The following ZFC3H1 variants were observed in gnomAD, a reference collection of about 807,000 sequenced individuals.
ZFC3H1 encodes zinc finger C3H1-type containing, also known as zinc finger C3H1 domain-containing protein.
ZFC3H1 carries 71 observed loss-of-function variants against 243.7 expected under a neutral mutation model. That is an observed-to-expected ratio of 0.29 (90% CI 0.24 to 0.36). The LOEUF (loss-of-function observed/expected upper bound fraction) is 0.36, where lower values mean the gene tolerates loss of function less well. Ranked by LOEUF, ZFC3H1 falls within the 10% of genes least tolerant of loss-of-function variation. The probability of loss-of-function intolerance (pLI) is 1.00; values close to 1 mark genes in which losing one functional copy is unlikely to be tolerated. For missense variants in ZFC3H1, 1,966 were observed against 2,317.1 expected (o/e 0.85, Z 3.11); for synonymous variants, 838 against 813.0 (o/e 1.03, Z -0.52).
At chr12:71,661,282 A>G (rs1201496902) in intron 1 of ZFC3H1, among the ~76,000 whole-genome samples, 2 of 151,844 alleles carry the variant, frequency 1.3e-5, no homozygotes, top group Non-Finnish European at 2.9e-5. Flanking sequence ...CCTGGGCGAC[A>G]GAGCGAGACT....
chr12:71,661,844 A>G (rs1295388682), intron 1 of ZFC3H1, among the ~76,000 whole-genome samples: 1 of 152,214 alleles, frequency 6.6e-6, no homozygotes, highest in Non-Finnish European at 1.5e-5. Flanking sequence ...TTGCAGAAGT[A>G]AGGTTTTTCA....
intron 3 of ZFC3H1, among the ~76,000 whole-genome samples, chr12:71,645,303 A>C (rs971924468): frequency 2.0e-5 from 3 of 152,224 alleles, no homozygotes; most frequent in Non-Finnish European, 4.4e-5. Flanking sequence ...GTATATATGT[A>C]ATGTAGGGTT....
intron 26 of ZFC3H1, 44 bp from the exon 27 acceptor site, chr12:71,619,453 G>T: frequency 6.4e-7 from 1 of 1,556,510 alleles, no homozygotes; most frequent in Non-Finnish European, 8.8e-7. Flanking sequence ...GGCTTACAAT[G>T]TTTAATTAAA....
At chr12:71,637,313 A>G (rs17815143) in intron 7 of ZFC3H1, among the ~76,000 whole-genome samples, 3,280 of 152,262 alleles carry the variant, frequency 0.022, 49 homozygotes, top group Non-Finnish European at 0.035. Context: ...AATTATAGAA[A>G]CTTCTCTGTT....
rs950074819 is a variant in ZFC3H1 at position 71,639,021 on chromosome 12, ATTAC to A, written c.1628-510_1628-507del. 4.2e-4 allele frequency among the ~76,000 whole-genome samples: 64 copies of A among 152,220 alleles called. 1 individual carries two copies. The highest frequency in any genetic ancestry group is 1.5e-3 in the African/African-American group (62 of 41,454). On this transcript the variant is annotated intron_variant, in intron 6 of 34. Coordinates refer to ENST00000378743, the MANE Select transcript of ZFC3H1 (RefSeq NM_144982.5). ...GTAAATAAAACTAGGAATGAGAAGA[ATTAC>A]TTAGTGTATTTAGTCAATAAGGTGC... is the stretch of plus-strand genomic sequence containing the variant.
At position 71,657,298 on chromosome 12, in the gene ZFC3H1, T is replaced by C; in HGVS notation, c.602A>G (p.Lys201Arg). ...TCTTGATGGAGACCTTCCAAAACTT[T>C]TGGCTGAACAGCATATTAAGGAAAC... ...REPSPPRKSS[K>R]SFGRSPSRKQ... The change falls in exon 2 of 35, where the codon AAA becomes AGA. Residue 201 changes from lysine to arginine, a missense_variant. By Grantham distance (26) the Lys-to-Arg change is conservative. This residue lies in a region of ZFC3H1 where 484 missense variants were observed against 449.7 expected (regional missense o/e 1.08). Transcript: ENST00000378743. The C allele has an allele frequency of 1.3e-6, 2 of 1,528,754 alleles. No individual in the cohort carries two copies. The highest frequency in any genetic ancestry group is 1.7e-6 in the Non-Finnish European group (2 of 1,144,336). The allele number at this position is 1,528,754 out of a possible 1,614,324, so 94.7% of individuals were successfully genotyped here. A position where few individuals can be genotyped will look rare whatever the true frequency, so the allele number is the denominator to read the frequency against.
chr12:71,637,130 T>C, intron 7 of ZFC3H1, 71 bp from the exon 8 acceptor site: 2 of 1,270,814 alleles, frequency 1.6e-6, no homozygotes, highest in Admixed American at 2.5e-5. Context: ...TGCAGCAATA[T>C]TAAACTAGAA....
chr12:71,640,900 T>C (rs1592596591), intron 6 of ZFC3H1, among the ~76,000 whole-genome samples: 1 of 152,130 alleles, frequency 6.6e-6, no homozygotes, highest in African/African-American at 2.4e-5. Context: ...AAACTCTATA[T>C]GGAAAACATT....
At chr12:71,635,607 G>A (rs778898695) in intron 9 of ZFC3H1, 27 bp from the exon 10 acceptor site, 7 of 1,506,388 alleles carry the variant, frequency 4.6e-6, no homozygotes, top group East Asian at 2.5e-5. Context: ...TTTATTACTC[G>A]TGATAACAAA....
intron 28 of ZFC3H1, 77 bp downstream of exon 28, chr12:71,615,129 A>G (rs577690030): frequency 7.8e-7 from 1 of 1,288,318 alleles, no homozygotes; most frequent in African/African-American, 1.5e-5. Flanking sequence ...GTTAATTATA[A>G]CAAACACAGT....
At chr12:71,611,004 A>G in intron 33 of ZFC3H1, 54 bp downstream of exon 33, 2 of 1,577,358 alleles carry the variant, frequency 1.3e-6, no homozygotes, top group East Asian at 4.5e-5. Flanking sequence ...AGTCAACAAA[A>G]GAGACAGAAA....
chr12:71,622,217 A>G (rs201875531), intron 24 of ZFC3H1, among the ~76,000 whole-genome samples: 2 of 152,290 alleles, frequency 1.3e-5, no homozygotes, highest in East Asian at 3.9e-4. Flanking sequence ...GGTATTTAAT[A>G]AGCACTTAAT....
intron 6 of ZFC3H1, among the ~76,000 whole-genome samples, chr12:71,641,667 C>T (rs1156376326): frequency 6.6e-6 from 1 of 152,168 alleles, no homozygotes; most frequent in African/African-American, 2.4e-5. Context: ...ACCAGCCTTT[C>T]CTGAGATGCC....
At chr12:71,648,823 C>T (rs1880796726) in intron 2 of ZFC3H1, among the ~76,000 whole-genome samples, 1 of 152,134 alleles carries the variant, frequency 6.6e-6, no homozygotes, top group African/African-American at 2.4e-5. Flanking sequence ...GGCACAGTGG[C>T]TTATGCCTGC....
At chr12:71,622,327 C>T (rs1424805480) in intron 24 of ZFC3H1, among the ~76,000 whole-genome samples, 2 of 152,222 alleles carry the variant, frequency 1.3e-5, no homozygotes, top group East Asian at 1.9e-4. Flanking sequence ...TACTGATAGC[C>T]ATGCTTCGAC....
rs1235694195 is a variant in ZFC3H1, at chr12:71,636,601, A to T, written c.1989T>A (p.His663Gln). The change falls in exon 9 of 35, where the codon CAT becomes CAA. Residue 663 changes from histidine to glutamine, a missense_variant. His to Gln is a conservative substitution (Grantham distance 24). Coordinates refer to ENST00000378743, the MANE Select transcript of ZFC3H1 (RefSeq NM_144982.5). ...TTGATAGATTGCTTCTTGGCACAGG[A>T]TGTGAATTGTTCAGAACTGGAGGTG... ...PPSPPVLNNS[H>Q]PVPRSNLSIV... 13 of 1,613,886 alleles carry T rather than the reference A, an allele frequency of 8.1e-6. No homozygotes were observed. In the South Asian group the frequency reaches 1.4e-4, roughly 18 times the overall value.
rs777750570 is a variant in ZFC3H1, at chr12:71,644,212, T to C, written c.1386A>G (p.Glu462=). 6.2e-7 allele frequency: 1 copy of C among 1,612,872 alleles called. No individual in the cohort carries two copies. Among genetic ancestry groups the C allele is most frequent in the Non-Finnish European group, 8.5e-7 (1 of 1,179,238 alleles). ...CTTCCTCTCTTTTCCTTCTCTCTTC[T>C]TCTTCAGCTTGTTTCCGCTGATCCT... ...KEEDQRKQAE[E]EERRKREEEI... is the part of the protein sequence containing the mutation. Residue 462 remains glutamate (E), a synonymous_variant, in exon 5 of 35, where the codon GAA becomes GAG. Coordinates refer to ENST00000378743, the MANE Select transcript of ZFC3H1 (RefSeq NM_144982.5).
Position 71,610,408 on chromosome 12 carries a change from G to T in ZFC3H1, c.*20C>A, listed in dbSNP as rs748421946. The T allele has an allele frequency of 1.2e-6, 2 of 1,610,228 alleles. No individual in the cohort carries two copies. The highest frequency in any genetic ancestry group is 1.7e-6 in the Non-Finnish European group (2 of 1,178,316). The stretch of plus-strand genomic sequence containing the variant: ...TTTTGGCAATTATTATAAGGACTTA[G>T]AACTGACTGCACCCAGTGTTCAGTG... On this transcript the variant is annotated 3_prime_UTR_variant, in exon 35 of 35. Coordinates refer to ENST00000378743, the MANE Select transcript of ZFC3H1 (RefSeq NM_144982.5).
chr12:71,646,806 T>G (rs547156632), intron 3 of ZFC3H1, among the ~76,000 whole-genome samples: 45 of 152,324 alleles, frequency 3.0e-4, no homozygotes, highest in African/African-American at 1.1e-3. Flanking sequence ...AAACCACTGA[T>G]TCTGTCACCC....
Sources: allele counts gnomAD v4.1 joint callset (sites outside exome capture counted in the v4.1 genomes callset), GRCh38; gene constraint gnomAD v4.1.1; regional missense constraint gnomAD v4.1.1; transcripts MANE v1.5; gene names NCBI Gene and HGNC (gene_info 2026-07-23, HGNC 2026-07-21).